Variants in PAPPA observed in about 807,000 individuals in gnomAD.
PAPPA encodes pappalysin-1.
A neutral mutation model predicts 164.0 loss-of-function variants in PAPPA; 60 were observed. That is an observed-to-expected ratio of 0.37 (90% CI 0.30 to 0.45). PAPPA has a LOEUF of 0.45. Ranked by LOEUF, PAPPA falls within the 20% of genes least tolerant of loss-of-function variation. The pLI is 1.00. For synonymous variants in PAPPA, 875 were observed against 814.1 expected (o/e 1.07, Z -1.27); for missense variants, 1,782 against 2,087.3 (o/e 0.85, Z 2.85).
chr9:116,254,646 G>A (rs1343770364), intron 7 of PAPPA, among the ~76,000 whole-genome samples: 1 of 151,952 alleles, frequency 6.6e-6, no homozygotes, highest in East Asian at 1.9e-4. Context: ...GCCGGGCGTG[G>A]TGGTGGGCGC....
intron 7 of PAPPA, among the ~76,000 whole-genome samples, chr9:116,259,662 G>A (rs971995571): frequency 2.6e-5 from 4 of 152,156 alleles, no homozygotes; most frequent in African/African-American, 9.7e-5. Flanking sequence ...GTGCTGACAA[G>A]GACCAGCACT....
In PAPPA at chr9:116,353,761, A is replaced by G. The variant is rs750820509; in HGVS notation, c.4315A>G (p.Arg1439Gly). Residue 1439 changes from arginine to glycine, a missense_variant, in exon 17 of 22, where the codon AGG becomes GGG. By Grantham distance (125) the Arg-to-Gly change is moderately radical (BLOSUM62 -2). Transcript: ENST00000328252. ...TGGCTTCCAGTTCAACAGTGAGTGT[A>G]GGATCAAGTGTGAAGACAGTGATGC... ...TNGFQFNSEC[R>G]IKCEDSDASQ... is the part of the protein sequence containing the mutation. 2 of 1,613,970 alleles carry G rather than the reference A, an allele frequency of 1.2e-6. No homozygotes were observed. The highest frequency in any genetic ancestry group is 2.7e-5 in the African/African-American group (2 of 74,920).
intron 14 of PAPPA, 129 bp from the exon 15 acceptor site, chr9:116,346,897 G>A (rs960829248): frequency 4.0e-5 from 25 of 625,016 alleles, no homozygotes; most frequent in African/African-American, 3.9e-4. Context: ...GTGAGCTAAC[G>A]TTAAACACTA....
chr9:116,269,533 G>T (rs1845113603), intron 8 of PAPPA, among the ~76,000 whole-genome samples: 1 of 152,218 alleles, frequency 6.6e-6, no homozygotes, highest in Non-Finnish European at 1.5e-5. Flanking sequence ...CAAGTGCTGT[G>T]ATAGATGGAG....
intron 12 of PAPPA, chr9:116,332,942 G>GT (rs1471750429): frequency 2.6e-5 from 4 of 154,112 alleles, no homozygotes; most frequent in African/African-American, 9.6e-5. Flanking sequence ...AGTGGGGACT[G>GT]TATCACCAGT....
intron 1 of PAPPA, among the ~76,000 whole-genome samples, chr9:116,169,476 C>T (rs974507557): frequency 7.9e-5 from 12 of 151,474 alleles, no homozygotes; most frequent in South Asian, 2.1e-4. Flanking sequence ...CCTGCCACCA[C>T]GCCCAGCTAA....
At chr9:116,254,798 A>AT in intron 7 of PAPPA, among the ~76,000 whole-genome samples, 1 of 151,170 alleles carries the variant, frequency 6.6e-6, no homozygotes, top group South Asian at 2.1e-4. Context: ...AAAAAAAAAA[A>AT]AAAAGAGAGA....
chr9:116,380,646 T>C (rs140214584), intron 20 of PAPPA, among the ~76,000 whole-genome samples: 155 of 152,332 alleles, frequency 1.0e-3, no homozygotes, highest in African/African-American at 3.4e-3. Flanking sequence ...ATGTGATGTG[T>C]TCATTCTGGT....
At chr9:116,224,235 CCCCTGGTTTT>C (rs1298242441) in intron 5 of PAPPA, among the ~76,000 whole-genome samples, 1 of 152,224 alleles carries the variant, frequency 6.6e-6, no homozygotes. Context: ...TTCAAGGCCA[CCCCTGGTTTT>C]CCTAACTCCT....
In PAPPA at chr9:116,396,493, C is replaced by T. The variant is rs1418864511; in HGVS notation, c.4777-16C>T. On this transcript the variant is annotated splice_polypyrimidine_tract_variant and intron_variant, in intron 21 of 21. Coordinates refer to ENST00000328252, the MANE Select transcript of PAPPA (RefSeq NM_002581.5). ...GCTTCAGACCAAATCACCTGATTCA[C>T]TTCTTCTTTCTGCAGGTCACCCCAT... 1 of 780,504 alleles carries T rather than the reference C, an allele frequency of 1.3e-6. No homozygotes were observed. The highest frequency in any genetic ancestry group is 1.7e-5 in the African/African-American group (1 of 59,234). 48.3% of individuals were successfully genotyped at this position (780,504 alleles called of 1,614,324 possible). A position where few individuals can be genotyped will look rare whatever the true frequency, so the allele number is the denominator to read the frequency against.
intron 10 of PAPPA, among the ~76,000 whole-genome samples, chr9:116,315,803 G>C (rs1845781114): frequency 6.6e-6 from 1 of 152,134 alleles, no homozygotes; most frequent in Admixed American, 6.5e-5. Flanking sequence ...CAGAGAAAAA[G>C]GAAGGACTAC....
intron 21 of PAPPA, among the ~76,000 whole-genome samples, chr9:116,389,047 C>T (rs10817883): frequency 0.39 from 59,115 of 151,490 alleles, 11,949 homozygotes; most frequent in Middle Eastern, 0.44. Flanking sequence ...TGATAACCTA[C>T]ATTGACAAAG....
intron 1 of PAPPA, among the ~76,000 whole-genome samples, chr9:116,164,802 G>T (rs1036906602): frequency 4.6e-5 from 7 of 152,294 alleles, no homozygotes; most frequent in South Asian, 2.1e-4. Context: ...AAGAGAGAAG[G>T]CTGTGTTAAT....
At chr9:116,329,723 G>A (rs1845965554) in intron 10 of PAPPA, among the ~76,000 whole-genome samples, 1 of 151,962 alleles carries the variant, frequency 6.6e-6, no homozygotes, top group African/African-American at 2.4e-5. Context: ...GTTATGTTTT[G>A]CGATCTCTCC....
intron 1 of PAPPA, among the ~76,000 whole-genome samples, chr9:116,166,300 C>T (rs915241172): frequency 1.1e-4 from 16 of 152,304 alleles, no homozygotes; most frequent in African/African-American, 3.6e-4. Flanking sequence ...ATATTTTGGC[C>T]TTGGTCTTCG....
At chr9:116,243,939 TAG>T (rs1161866523) in intron 7 of PAPPA, among the ~76,000 whole-genome samples, 1 of 152,106 alleles carries the variant, frequency 6.6e-6, no homozygotes, top group African/African-American at 2.4e-5. Flanking sequence ...AGCATCAGTA[TAG>T]AGAGTTGTTT....
At chr9:116,366,119 T>C (rs1846497693) in intron 18 of PAPPA, among the ~76,000 whole-genome samples, 1 of 152,212 alleles carries the variant, frequency 6.6e-6, no homozygotes, top group South Asian at 2.1e-4. Flanking sequence ...GAGGGTGGTT[T>C]CGATACTAAG....
intron 9 of PAPPA, among the ~76,000 whole-genome samples, chr9:116,285,177 T>TTTTC (rs1845321600): frequency 1.4e-5 from 2 of 139,494 alleles, no homozygotes; most frequent in Non-Finnish European, 3.1e-5. Context: ...CTTTCTTTTT[T>TTTTC]TTTTTTTTTT....
chr9:116,296,821 C>G (rs976831393), intron 9 of PAPPA, among the ~76,000 whole-genome samples: 4 of 151,834 alleles, frequency 2.6e-5, no homozygotes, highest in Non-Finnish European at 4.4e-5. Flanking sequence ...GTATGCCAAG[C>G]TAAGGAAAAT....
Sources: gnomAD v4.1 joint callset for allele counts (sites outside exome capture counted in the v4.1 genomes callset) on GRCh38, gnomAD v4.1.1 for gene constraint, MANE v1.5 for transcripts, NCBI Gene and HGNC (gene_info 2026-07-23, HGNC 2026-07-21) for gene names.